The following ANKRD23 variants were observed in gnomAD, a reference collection of about 807,000 sequenced individuals.
ANKRD23 encodes the protein ankyrin repeat domain-containing protein 23.
In ANKRD23, 52 loss-of-function variants were observed where a neutral mutation model predicts 38.1. That is an observed-to-expected ratio of 1.36 (90% CI 1.09 to 1.72). The LOEUF (loss-of-function observed/expected upper bound fraction) is 1.72, where lower values mean the gene tolerates loss of function less well. Among genes scored for constraint, ANKRD23 ranks in the 40% most tolerant of loss-of-function variants. ANKRD23 has a pLI of 0.00. For missense variants in ANKRD23, 416 were observed against 400.2 expected, an observed-to-expected ratio of 1.04 and a Z score of -0.34; for synonymous variants, 167 against 162.9, an observed-to-expected ratio of 1.03 and a Z score of -0.19.
rs2079718538 is a variant in ANKRD23, at chr2:96,838,478, T to TGC, written c.*1070_*1071insGC. On this transcript the variant is annotated 3_prime_UTR_variant, in exon 9 of 9. Coordinates refer to ENST00000318357, the MANE Select transcript of ANKRD23 (RefSeq NM_144994.8). Reference sequence around the variant, plus strand: ...GGAGCAGGGAAGGGATGGGAAGGGCTGGGGGGCGGCGGGGGCTCACCTTCC... The same window carrying TGC: ...GGAGCAGGGAAGGGATGGGAAGGGCTGCGGGGGGCGGCGGGGGCTCACCTTCC... 1 of 986,328 alleles carries TGC rather than the reference T, an allele frequency of 1.0e-6. No homozygotes were observed. Among genetic ancestry groups the TGC allele is most frequent in the African/African-American group, 1.7e-5 (1 of 57,310 alleles). The allele number at this position is 986,328 out of a possible 1,614,324, so 61.1% of individuals were successfully genotyped here. A position where few individuals can be genotyped will look rare whatever the true frequency, so the allele number is the denominator to read the frequency against.
chr2:96,841,037 A>T (rs1322579689), intron 3 of ANKRD23, 125 bp from the exon 4 acceptor site: 3 of 1,200,250 alleles, frequency 2.5e-6, no homozygotes, highest in Non-Finnish European at 3.5e-6. Flanking sequence ...GGCTCGTACT[A>T]ATGCAGTTTC....
rs1228955674 is a variant in ANKRD23, at chr2:96,838,857, G to A, written c.*692C>T. The A allele has an allele frequency of 1.0e-6, 1 of 985,392 alleles. No homozygotes were observed. The highest frequency in any genetic ancestry group is 1.1e-4 in the East Asian group (1 of 8,826). 61.0% of individuals were successfully genotyped at this position (985,392 alleles called of 1,614,324 possible). ...CTTCTGAGGCAACCTAGTGGGTCCT[G>A]GACTTCTGTTGCTGTGGGGCCTCAA... On this transcript the variant is annotated 3_prime_UTR_variant, in exon 9 of 9. Coordinates refer to ENST00000318357, the MANE Select transcript of ANKRD23 (RefSeq NM_144994.8).
At position 96,839,648 on chromosome 2, in the gene ANKRD23, G is replaced by A. The variant is rs568204652; in HGVS notation, c.823-4C>T. On this transcript the variant is annotated splice_polypyrimidine_tract_variant and splice_region_variant and intron_variant, in intron 8 of 8. Coordinates refer to ENST00000318357, the MANE Select transcript of ANKRD23 (RefSeq NM_144994.8). ...GCTGCACCGGGGTCACGGAGGCCTG[G>A]GAGCAACGGTGTGGGTCAGTCCCTT... The A allele has an allele frequency of 6.5e-6, 10 of 1,530,386 alleles. No homozygotes were observed. Among genetic ancestry groups the A allele is most frequent in the Non-Finnish European group, 7.9e-6 (9 of 1,135,518 alleles). 94.8% of individuals were successfully genotyped at this position (1,530,386 alleles called of 1,614,324 possible). A position where few individuals can be genotyped will look rare whatever the true frequency, so the allele number is the denominator to read the frequency against.
Position 96,840,327 on chromosome 2 carries a change from C to A in ANKRD23, c.529G>T (p.Asp177Tyr). Reference protein sequence around the residue: ...GATVDARDLLDRTPVFWACRG... With the variant: ...GATVDARDLLYRTPVFWACRG... ...CAGGCCCAGAACACAGGTGTCCTGT[C>A]CAGCTGCAAAACAAAAGCACCCAAG... is the stretch of plus-strand genomic sequence containing the variant. The change falls in exon 6 of 9, where the codon GAC (aspartate) becomes TAC (tyrosine). Residue 177 changes from aspartate to tyrosine, a missense_variant. Coordinates refer to ENST00000318357, the MANE Select transcript of ANKRD23 (RefSeq NM_144994.8). 6.2e-7 allele frequency: 1 copy of A among 1,606,466 alleles called. No individual in the cohort carries two copies. Among genetic ancestry groups the A allele is most frequent in the East Asian group, 2.2e-5 (1 of 44,650 alleles).
chr2:96,840,364 T>C, intron 5 of ANKRD23, 34 bp from the exon 6 acceptor site: 1 of 1,609,912 alleles, frequency 6.2e-7, no homozygotes, highest in Non-Finnish European at 8.5e-7. Flanking sequence ...ACTCAGCTGC[T>C]GGGATGTGAA....
rs1317336222 is a variant in ANKRD23, at chr2:96,840,793, A to G, written c.420T>C (p.His140=). 2 of 1,614,124 alleles carry G rather than the reference A, an allele frequency of 1.2e-6. No individual in the cohort carries two copies. Among genetic ancestry groups the G allele is most frequent in the East Asian group, 2.2e-5 (1 of 44,870 alleles). The change falls in exon 4 of 9, where the codon CAT becomes CAC. Residue 140 remains histidine (H), a synonymous_variant. Coordinates refer to ENST00000318357, the MANE Select transcript of ANKRD23 (RefSeq NM_144994.8). ...YLTDGGDPNA[H]DKLHRTALHW... is the part of the protein sequence containing the mutation. ...CTCACCCAACCTGTGCTACCTTGTC[A>G]TGGGCATTGGGGTCCCCTCCGTCTG... is the stretch of plus-strand genomic sequence containing the variant.
chr2:96,839,586 A>G lies in ANKRD23; in HGVS notation c.881T>C (p.Leu294Pro). 1 of 1,479,944 alleles carries G rather than the reference A, an allele frequency of 6.8e-7. No individual in the cohort carries two copies. Among genetic ancestry groups the G allele is most frequent in the Non-Finnish European group, 8.9e-7 (1 of 1,117,764 alleles). 91.7% of individuals were successfully genotyped at this position (1,479,944 alleles called of 1,614,324 possible). A position where few individuals can be genotyped will look rare whatever the true frequency, so the allele number is the denominator to read the frequency against. ...GCGGGGATGCGCCACGTGGGCCTGC[A>G]GGGCCTCCCGGATGCCGCGCTGCCA... ...RDWQRGIREA[L>P]QAHVAHPRTR... The change falls in exon 9 of 9, where the codon CTG becomes CCG. Residue 294 changes from leucine to proline, a missense_variant. Leu to Pro is a moderately conservative substitution (Grantham distance 98). Coordinates refer to ENST00000318357, the MANE Select transcript of ANKRD23 (RefSeq NM_144994.8).
In ANKRD23 at chr2:96,839,283, A is replaced by AC; in HGVS notation, c.*265dup. The AC allele has an allele frequency of 1.7e-6, 2 of 1,208,538 alleles. No homozygotes were observed. Among genetic ancestry groups the AC allele is most frequent in the Non-Finnish European group, 2.1e-6 (2 of 973,440 alleles). 74.9% of individuals were successfully genotyped at this position (1,208,538 alleles called of 1,614,324 possible). A position where few individuals can be genotyped will look rare whatever the true frequency, so the allele number is the denominator to read the frequency against. On this transcript the variant is annotated 3_prime_UTR_variant, in exon 9 of 9. Transcript: ENST00000318357. The stretch of plus-strand genomic sequence containing the variant: ...CCTCCCCTTCCTGGCCCTCATCTGG[A>AC]CCCGCGCTTTCTGCTGCCTTGTGGT...
rs553481847 is a variant in ANKRD23, at chr2:96,839,309, C to G, written c.*240G>C. 1.2e-4 allele frequency: 153 copies of G among 1,237,388 alleles called. No individual in the cohort carries two copies. Among genetic ancestry groups the G allele is most frequent in the Non-Finnish European group, 1.5e-4 (145 of 991,622 alleles). 76.7% of individuals were successfully genotyped at this position (1,237,388 alleles called of 1,614,324 possible). The stretch of plus-strand genomic sequence containing the variant: ...CCCGCGCTTTCTGCTGCCTTGTGGT[C>G]CTCTGCTCCAGCCCTGGGAGGGAAC... On this transcript the variant is annotated 3_prime_UTR_variant, in exon 9 of 9. Coordinates refer to ENST00000318357, the MANE Select transcript of ANKRD23 (RefSeq NM_144994.8).
rs2079731190 is a variant in ANKRD23 at position 96,839,407 on chromosome 2, C to A, written c.*142G>T. On this transcript the variant is annotated 3_prime_UTR_variant, in exon 9 of 9. Transcript: ENST00000318357. The stretch of plus-strand genomic sequence containing the variant: ...CTGGGCCCGGTGCCGCTCTTCAGTT[C>A]TGCCAGGGCTGCTGAGGCGGCACAG... 1 of 1,282,738 alleles carries A rather than the reference C, an allele frequency of 7.8e-7. No individual in the cohort carries two copies. Among genetic ancestry groups the A allele is most frequent in the South Asian group, 3.0e-5 (1 of 32,930 alleles). 79.5% of individuals were successfully genotyped at this position (1,282,738 alleles called of 1,614,324 possible). A position where few individuals can be genotyped will look rare whatever the true frequency, so the allele number is the denominator to read the frequency against.
At chr2:96,842,637 G>T in intron 1 of ANKRD23, 126 bp from the exon 2 acceptor site, 1 of 1,223,174 alleles carries the variant, frequency 8.2e-7, no homozygotes, top group Non-Finnish European at 1.1e-6. Context: ...CGGGATGGGA[G>T]CCGGCCTCAA....
Position 96,840,344 on chromosome 2 carries a change from G to C in ANKRD23, c.526-14C>G. 6.2e-7 allele frequency: 1 copy of C among 1,606,140 alleles called. No individual in the cohort carries two copies. Among genetic ancestry groups the C allele is most frequent in the Non-Finnish European group, 8.5e-7 (1 of 1,175,810 alleles). ...TGTCCTGTCCAGCTGCAAAACAAAA[G>C]CACCCAAGCACTCAGCTGCTGGGAT... On this transcript the variant is annotated splice_polypyrimidine_tract_variant and intron_variant, in intron 5 of 8. Coordinates refer to ENST00000318357, the MANE Select transcript of ANKRD23 (RefSeq NM_144994.8).
chr2:96,842,293 C>T (rs566880489), intron 2 of ANKRD23, 72 bp downstream of exon 2: 1 of 1,604,524 alleles, frequency 6.2e-7, no homozygotes, highest in East Asian at 2.2e-5. Flanking sequence ...CAGAGTCCCT[C>T]CAGGCCTCAC....
At chr2:96,842,657 A>C in intron 1 of ANKRD23, 146 bp from the exon 2 acceptor site, 1 of 1,010,626 alleles carries the variant, frequency 9.9e-7, no homozygotes, top group Non-Finnish European at 1.4e-6. Flanking sequence ...AAGCTCCTGC[A>C]GTCCAGAGTG....
At position 96,840,444 on chromosome 2, in the gene ANKRD23, G is replaced by A. The variant is rs760026329; in HGVS notation, c.497C>T (p.Ala166Val). 1.2e-6 allele frequency: 2 copies of A among 1,614,086 alleles called. No homozygotes were observed. Among genetic ancestry groups the A allele is most frequent in the Non-Finnish European group, 1.7e-6 (2 of 1,180,014 alleles). The change falls in exon 5 of 9, where the codon GCA becomes GTA. Residue 166 changes from alanine (A) to valine (V), a missense_variant. By Grantham distance (64) the Ala-to-Val change is moderately conservative (BLOSUM62 0). Transcript: ENST00000318357. ...HSQLVNKLLV[A>V]GATVDARDLL... ...GTCTCGCGCGTCCACTGTGGCACCT[G>A]CCACCAGCAGCTTGTTCACCAGCTG...
intron 1 of ANKRD23, 69 bp downstream of exon 1, chr2:96,843,897 C>T: frequency 6.6e-7 from 1 of 1,510,746 alleles, no homozygotes; most frequent in Non-Finnish European, 9.0e-7. Flanking sequence ...AGCTGCCAGC[C>T]CTCTCTAGCC....
At position 96,840,033 on chromosome 2, in the gene ANKRD23, G is replaced by A; in HGVS notation, c.687C>T (p.Leu229=). The A allele has an allele frequency of 9.0e-6, 14 of 1,562,104 alleles. No individual in the cohort carries two copies. Among genetic ancestry groups the A allele is most frequent in the Non-Finnish European group, 1.2e-5 (14 of 1,152,494 alleles). Residue 229 remains leucine (L), a synonymous_variant, in exon 7 of 9, where the codon CTC becomes CTT. Coordinates refer to ENST00000318357, the MANE Select transcript of ANKRD23 (RefSeq NM_144994.8). ...RTRHPDCLEH[L]IECGAHLNAQ... The stretch of plus-strand genomic sequence containing the variant: ...CGTTCAGGTGGGCGCCACACTCGAT[G>A]AGGTGCTCCAGGCAGTCGGGGTGCC...
In ANKRD23 at chr2:96,839,551, A is replaced by G. The variant is rs749149634; in HGVS notation, c.916T>C (p.Ter306ArgextTer106). Residue 306 changes from the stop codon to arginine (R), a stop_lost, in exon 9 of 9, where the codon TGA becomes CGA. Coordinates refer to ENST00000318357, the MANE Select transcript of ANKRD23 (RefSeq NM_144994.8). ...CGCGGCGGGGGGCGGTGCTGCGGTC[A>G]GCACCGGGTGCGGGGATGCGCCACG... Reference protein sequence around the residue: ...AHVAHPRTRC* With the variant: ...AHVAHPRTRCR 3.4e-6 allele frequency: 5 copies of G among 1,450,504 alleles called. No homozygotes were observed. Among genetic ancestry groups the G allele is most frequent in the Non-Finnish European group, 3.6e-6 (4 of 1,105,976 alleles). The allele number at this position is 1,450,504 out of a possible 1,614,324, so 89.9% of individuals were successfully genotyped here.
In ANKRD23 at chr2:96,839,562, C is replaced by T. The variant is rs200849217; in HGVS notation, c.905G>A (p.Arg302His). ...EALQAHVAHP[R>H]TRC is the part of the protein sequence containing the mutation. Reference sequence around the variant, plus strand: ...GCGGTGCTGCGGTCAGCACCGGGTGCGGGGATGCGCCACGTGGGCCTGCAG... The same window carrying T: ...GCGGTGCTGCGGTCAGCACCGGGTGTGGGGATGCGCCACGTGGGCCTGCAG... Residue 302 changes from arginine (R) to histidine (H), a missense_variant, in exon 9 of 9, where the codon CGC (arginine) becomes CAC (histidine). By Grantham distance (29) the Arg-to-His change is conservative (BLOSUM62 0). Coordinates refer to ENST00000318357, the MANE Select transcript of ANKRD23 (RefSeq NM_144994.8). 793 of 1,460,072 alleles carry T rather than the reference C, an allele frequency of 5.4e-4. 2 individuals are homozygous for T. The highest frequency in any genetic ancestry group is 6.7e-4 in the Non-Finnish European group (743 of 1,110,046). The allele number at this position is 1,460,072 out of a possible 1,614,324, so 90.4% of individuals were successfully genotyped here.
Sources: gnomAD v4.1 joint callset for allele counts on GRCh38, gnomAD v4.1.1 for gene constraint, MANE v1.5 for transcripts, NCBI Gene and HGNC (gene_info 2026-07-23, HGNC 2026-07-21) for gene names.